EIF3B: variants seen among roughly 807,000 people sequenced by gnomAD.
EIF3B encodes eukaryotic translation initiation factor 3 subunit B, also known as eukaryotic translation initiation factor 3 subunit 9.
Under a neutral mutation model 104.6 loss-of-function variants are expected in EIF3B, and 10 were observed. That is an observed-to-expected ratio of 0.10 (90% CI 0.06 to 0.16). EIF3B has a LOEUF of 0.16. EIF3B is among the 10% of genes least tolerant of loss of function. EIF3B has a pLI of 1.00. For missense variants in EIF3B, 1,014 were observed against 1,087.9 expected (o/e 0.93, Z 0.96); for synonymous variants, 542 against 417.2 (o/e 1.30, Z -3.65).
At chr7:2,356,793 A>C (rs955671120) in intron 1 of EIF3B, among the ~76,000 whole-genome samples, 1 of 152,136 alleles carries the variant, frequency 6.6e-6, no homozygotes. Context: ...CCCTGTCTCA[A>C]AAAGTGAAAA....
In EIF3B at chr7:2,360,499, C is replaced by T. The variant is rs191363449; in HGVS notation, c.500-211C>T. On this transcript the variant is annotated intron_variant, in intron 1 of 18. Transcript: ENST00000360876. The stretch of plus-strand genomic sequence containing the variant: ...TTAATTGACCTGTCTTGACTGTTTA[C>T]ATTTCCATCAAAGGGAGAGAGGAGA... Among the ~76,000 whole-genome samples, 4 of 152,314 alleles carry T rather than the reference C, an allele frequency of 2.6e-5. No homozygotes were observed. In the East Asian group the frequency reaches 7.7e-4, roughly 29 times the overall value.
chr7:2,377,053 T>A lies in EIF3B; in HGVS notation c.2132T>A (p.Leu711His), dbSNP rs1346094497. The change falls in exon 15 of 19, where the codon CTC (leucine) becomes CAC (histidine). Residue 711 changes from leucine to histidine, a missense_variant. Around this residue, in one of 4 missense-constraint regions of EIF3B, gnomAD observed 266 missense variants for 324.0 expected, o/e 0.82. Transcript: ENST00000360876. ...QLLWRPRPPT[L>H]LSQEQIKQIK... ...CTGTGGCGGCCCCGGCCTCCCACAC[T>A]CCTGAGCCAGGAACAGATCAAGGTC... The A allele has an allele frequency of 2.5e-6, 4 of 1,613,462 alleles. No individual in the cohort carries two copies. The South Asian group carries it at 3.3e-5, about 13-fold the overall frequency.
chr7:2,367,908 C>G (rs961521758), intron 9 of EIF3B, among the ~76,000 whole-genome samples: 9 of 119,760 alleles, frequency 7.5e-5, no homozygotes, highest in African/African-American at 2.6e-4. Flanking sequence ...GTGGCGAGAT[C>G]TTGGCTCACT....
At chr7:2,376,764 G>A in intron 14 of EIF3B, 186 bp from the exon 15 acceptor site, 2 of 744,446 alleles carry the variant, frequency 2.7e-6, no homozygotes, top group South Asian at 4.1e-5. Context: ...CGCACTCCGG[G>A]TCGGTTGCAT....
In EIF3B at chr7:2,366,380, G is replaced by T; in HGVS notation, c.1221G>T (p.Trp407Cys). 4 of 1,613,942 alleles carry T rather than the reference G, an allele frequency of 2.5e-6. No homozygotes were observed. The highest frequency in any genetic ancestry group is 3.4e-6 in the Non-Finnish European group (4 of 1,179,974). Residue 407 changes from tryptophan to cysteine, a missense_variant, in exon 7 of 19, where the codon TGG becomes TGT. Trp to Cys is a radical substitution (Grantham distance 215). Around this residue, in one of 4 missense-constraint regions of EIF3B, gnomAD observed 201 missense variants for 240.7 expected, o/e 0.83. Transcript: ENST00000360876. ...ATGACCCTCAGGCCATAATCATCTG[G>T]GACATCCTTACGGGGCACAAGAAGA... is the stretch of plus-strand genomic sequence containing the variant. ...TQDDPQAIII[W>C]DILTGHKKRG...
chr7:2,369,790 TTTTTTG>T (rs1404373740), intron 10 of EIF3B, 108 bp downstream of exon 10: 1 of 769,278 alleles, frequency 1.3e-6, no homozygotes, highest in Non-Finnish European at 2.0e-6. Flanking sequence ...TTTTTTTTTT[TTTTTTG>T]AGATGGAGTC....
At chr7:2,375,149 C>T (rs1225037264) in intron 13 of EIF3B, 4 of 528,096 alleles carry the variant, frequency 7.6e-6, no homozygotes, top group Admixed American at 6.3e-5. Flanking sequence ...GCTTACTTAG[C>T]CTCAGATAAC....
chr7:2,363,218 T>C, intron 4 of EIF3B, 91 bp downstream of exon 4: 1 of 1,318,830 alleles, frequency 7.6e-7, no homozygotes, highest in Non-Finnish European at 1.1e-6. Flanking sequence ...TTAGGGAGGC[T>C]GAGGTGGGAG....
intron 9 of EIF3B, among the ~76,000 whole-genome samples, chr7:2,369,219 ATGG>A (rs933939886): frequency 7.2e-5 from 11 of 152,296 alleles, no homozygotes; most frequent in Admixed American, 7.2e-4. Flanking sequence ...TCTGTGCGTG[ATGG>A]TGGGGTTGCT....
chr7:2,370,019 T>C (rs1439608072), intron 10 of EIF3B, among the ~76,000 whole-genome samples: 8 of 152,174 alleles, frequency 5.3e-5, no homozygotes, highest in Non-Finnish European at 1.0e-4. Context: ...TTAGGTGATC[T>C]GCCCGCCTTG....
At chr7:2,376,779 G>A (rs895621755) in intron 14 of EIF3B, 171 bp from the exon 15 acceptor site, 55 of 886,336 alleles carry the variant, frequency 6.2e-5, no homozygotes, top group Non-Finnish European at 9.1e-5. Flanking sequence ...TTGCATAATG[G>A]AGGTGTCTTG....
chr7:2,360,049 G>A (rs939236156), intron 1 of EIF3B, among the ~76,000 whole-genome samples: 1 of 152,162 alleles, frequency 6.6e-6, no homozygotes, highest in Non-Finnish European at 1.5e-5. Context: ...CACCCCAGAC[G>A]CGCTTCCTCT....
Position 2,378,711 on chromosome 7 carries a change from A to C in EIF3B, c.2177A>C (p.Lys726Thr). Residue 726 changes from lysine (K) to threonine (T), a missense_variant, in exon 16 of 19, where the codon AAA (lysine) becomes ACA (threonine). Transcript: ENST00000360876. ...QIKQIKKDLK[K>T]YSKIFEQKDR... ...CAGCAAATTAAAAAGGATCTGAAGAAATACTCTAAGATCTTTGAACAGAAG... is the reference window on the plus strand; with the variant it reads ...CAGCAAATTAAAAAGGATCTGAAGACATACTCTAAGATCTTTGAACAGAAG... 1 of 1,614,068 alleles carries C rather than the reference A, an allele frequency of 6.2e-7. No homozygotes were observed. The highest frequency in any genetic ancestry group is 8.5e-7 in the Non-Finnish European group (1 of 1,179,922).
intron 1 of EIF3B, among the ~76,000 whole-genome samples, chr7:2,357,319 G>A (rs1583146938): frequency 6.6e-6 from 1 of 152,150 alleles, no homozygotes; most frequent in African/African-American, 2.4e-5. Flanking sequence ...GACAGGTGAG[G>A]CATCTGGTCC....
rs1189795891 is a variant in EIF3B at position 2,355,110 on chromosome 7, G to A, written c.189G>A (p.Glu63=). ...EEVGIAEAGP[E]SEVRTEPAAE... ...TGGGGATCGCGGAGGCCGGGCCGGA[G>A]TCCGAGGTGAGGACCGAGCCGGCGG... The change falls in exon 1 of 19, where the codon GAG becomes GAA. Residue 63 remains glutamate (E), a synonymous_variant. Coordinates refer to ENST00000360876, the MANE Select transcript of EIF3B (RefSeq NM_001037283.2). 2 of 1,367,482 alleles carry A rather than the reference G, an allele frequency of 1.5e-6. No individual in the cohort carries two copies. Among genetic ancestry groups the A allele is most frequent in the Non-Finnish European group, 1.9e-6 (2 of 1,066,854 alleles). The allele number at this position is 1,367,482 out of a possible 1,614,324, so 84.7% of individuals were successfully genotyped here. A position where few individuals can be genotyped will look rare whatever the true frequency, so the allele number is the denominator to read the frequency against.
intron 16 of EIF3B, 67 bp from the exon 17 acceptor site, chr7:2,379,067 G>A: frequency 7.2e-7 from 1 of 1,394,168 alleles, no homozygotes; most frequent in Non-Finnish European, 1.0e-6. Context: ...CCGCCTGGGT[G>A]TGGGCTCTTC....
chr7:2,358,120 A>T (rs1353793717), intron 1 of EIF3B, among the ~76,000 whole-genome samples: 1 of 151,228 alleles, frequency 6.6e-6, no homozygotes, highest in Admixed American at 6.6e-5. Flanking sequence ...TTTGAGACAG[A>T]GTCTCATTCT....
rs1780827021 is a variant in EIF3B at position 2,378,743 on chromosome 7, T to A, written c.2209T>A (p.Leu737Met). 1 of 1,613,942 alleles carries A rather than the reference T, an allele frequency of 6.2e-7. No homozygotes were observed. ...TAAGATCTTTGAACAGAAGGATCGT[T>A]TGAGTCAGTCCAAAGCCTCAAAGGT... ...YSKIFEQKDR[L>M]SQSKASKELV... Residue 737 changes from leucine to methionine, a missense_variant, in exon 16 of 19, where the codon TTG becomes ATG. Leu to Met is a conservative substitution (Grantham distance 15). Transcript: ENST00000360876.
chr7:2,378,897 C>A lies in EIF3B; in HGVS notation c.2232+131C>A, dbSNP rs981381803. ...CGAAGACACTGGTTCTGTTCCCCCC[C>A]AGGAGGGATGCACTGGGGAACTGGG... On this transcript the variant is annotated intron_variant, in intron 16 of 18. Coordinates refer to ENST00000360876, the MANE Select transcript of EIF3B (RefSeq NM_001037283.2). 1.2e-5 allele frequency: 11 copies of A among 880,446 alleles called. No homozygotes were observed. The East Asian group carries it at 1.3e-4, about 11-fold the overall frequency. 54.5% of individuals were successfully genotyped at this position (880,446 alleles called of 1,614,324 possible). A position where few individuals can be genotyped will look rare whatever the true frequency, so the allele number is the denominator to read the frequency against.
Sources: allele counts gnomAD v4.1 joint callset (sites outside exome capture counted in the v4.1 genomes callset), GRCh38; gene constraint gnomAD v4.1.1; regional missense constraint gnomAD v4.1.1; transcripts MANE v1.5; gene names NCBI Gene and HGNC (gene_info 2026-07-23, HGNC 2026-07-21).